The following MAPK9 variants were observed in gnomAD, a reference collection of about 807,000 sequenced individuals.
MAPK9 encodes the protein mitogen-activated protein kinase 9.
A neutral mutation model predicts 57.1 loss-of-function variants in MAPK9; 30 were observed. That is an observed-to-expected ratio of 0.53 (90% CI 0.39 to 0.71). The LOEUF (loss-of-function observed/expected upper bound fraction) is 0.71. MAPK9 is among the 30% of genes least tolerant of loss of function. MAPK9 has a pLI of 0.00. For synonymous variants in MAPK9, 155 were observed against 177.0 expected (o/e 0.88, Z 0.99); for missense variants, 362 against 521.0 (o/e 0.69, Z 2.97).
intron 9 of MAPK9, among the ~76,000 whole-genome samples, chr5:180,240,318 G>A (rs1757540360): frequency 1.3e-5 from 2 of 152,200 alleles, no homozygotes; most frequent in Non-Finnish European, 2.9e-5. Context: ...TGTGCTGGCA[G>A]CTATGGAAGG....
chr5:180,236,110 A>G lies in MAPK9; in HGVS notation c.*274T>C. 3.7e-6 allele frequency: 1 copy of G among 267,610 alleles called. No homozygotes were observed. The highest frequency in any genetic ancestry group is 7.1e-6 in the Non-Finnish European group (1 of 141,710). 16.6% of individuals were successfully genotyped at this position (267,610 alleles called of 1,614,324 possible). ...ATGATGAGAAACTGTCACTAGTACAATTTGAAACAAATTCACCTACTCTAA... is the reference window on the plus strand; with the variant it reads ...ATGATGAGAAACTGTCACTAGTACAGTTTGAAACAAATTCACCTACTCTAA... On this transcript the variant is annotated 3_prime_UTR_variant, in exon 12 of 12. Transcript: ENST00000452135.
chr5:180,253,349 G>A (rs192692419), intron 5 of MAPK9, among the ~76,000 whole-genome samples: 6 of 152,300 alleles, frequency 3.9e-5, no homozygotes, highest in Non-Finnish European at 5.9e-5. Context: ...AGCCGCCCAC[G>A]AAAAGCCCCA....
At chr5:180,253,870 C>T (rs1758968630) in intron 5 of MAPK9, among the ~76,000 whole-genome samples, 1 of 146,038 alleles carries the variant, frequency 6.8e-6, no homozygotes, top group Admixed American at 7.0e-5. Context: ...CAGAAGGTGA[C>T]ACCTGTGGCT....
intron 7 of MAPK9, 191 bp from the exon 8 acceptor site, chr5:180,242,946 C>T: frequency 4.2e-6 from 2 of 476,616 alleles, no homozygotes; most frequent in Non-Finnish European, 3.7e-6. Flanking sequence ...TCACACTCTG[C>T]ATCTTCATAA....
At chr5:180,278,634 G>T (rs1057130978) in intron 2 of MAPK9, among the ~76,000 whole-genome samples, 1 of 152,152 alleles carries the variant, frequency 6.6e-6, no homozygotes, top group Non-Finnish European at 1.5e-5. Context: ...AGGAGGCGGA[G>T]GCTACAGTGA....
At chr5:180,285,455 A>C (rs1762652646) in intron 1 of MAPK9, among the ~76,000 whole-genome samples, 1 of 152,174 alleles carries the variant, frequency 6.6e-6, no homozygotes, top group Admixed American at 6.5e-5. Flanking sequence ...TTTTTCCTCT[A>C]ACGATGACAA....
At chr5:180,258,862 TAAAA>T (rs531705510) in intron 5 of MAPK9, among the ~76,000 whole-genome samples, 1 of 96,040 alleles carries the variant, frequency 1.0e-5, no homozygotes, top group Non-Finnish European at 2.0e-5. Context: ...CTGTCTCTAC[TAAAA>T]AAAAAAAAAA....
intron 5 of MAPK9, among the ~76,000 whole-genome samples, chr5:180,250,459 G>T (rs1758556896): frequency 1.3e-5 from 2 of 152,086 alleles, no homozygotes; most frequent in South Asian, 4.1e-4. Flanking sequence ...AAACTGCCAA[G>T]CCACTGACAT....
chr5:180,279,892 A>T (rs182934840), intron 2 of MAPK9: 1 of 456,630 alleles, frequency 2.2e-6, no homozygotes, highest in East Asian at 7.0e-5. Flanking sequence ...TCTGGGCTGG[A>T]CACACAGTTG....
chr5:180,240,553 C>T (rs1757560706), intron 9 of MAPK9, among the ~76,000 whole-genome samples: 3 of 152,236 alleles, frequency 2.0e-5, no homozygotes, highest in Admixed American at 1.3e-4. Flanking sequence ...TCCCTCACAG[C>T]TAAAGCTCAC....
chr5:180,276,794 C>T (rs563058338), intron 2 of MAPK9, among the ~76,000 whole-genome samples: 5 of 152,268 alleles, frequency 3.3e-5, no homozygotes, highest in African/African-American at 7.2e-5. Context: ...GCGGAGGTTG[C>T]GGTGAGCCAA....
intron 2 of MAPK9, among the ~76,000 whole-genome samples, chr5:180,273,468 C>T (rs1043393758): frequency 6.6e-6 from 1 of 151,860 alleles, no homozygotes; most frequent in African/African-American, 2.4e-5. Flanking sequence ...CTCAAGCGAT[C>T]CTCCCACCTT....
chr5:180,256,991 G>C (rs1282577384), intron 5 of MAPK9, among the ~76,000 whole-genome samples: 1 of 152,212 alleles, frequency 6.6e-6, no homozygotes, highest in African/African-American at 2.4e-5. Flanking sequence ...AACAGAAATA[G>C]AATGGTACAT....
chr5:180,281,888 C>T (rs1019679578), intron 1 of MAPK9, among the ~76,000 whole-genome samples: 1 of 152,188 alleles, frequency 6.6e-6, no homozygotes, highest in Non-Finnish European at 1.5e-5. Flanking sequence ...ACTCCAGTGA[C>T]GCCACAGCGC....
rs1048270449 is a variant in MAPK9, at chr5:180,247,803, C to T, written c.617-293G>A. The T allele has an allele frequency of 6.4e-7, 1 of 1,569,900 alleles. No homozygotes were observed. The highest frequency in any genetic ancestry group is 1.4e-5 in the African/African-American group (1 of 74,000). On this transcript the variant is annotated intron_variant, in intron 6 of 11. Transcript: ENST00000452135. The surrounding 1 kb of genome is among the most constrained non-coding windows in gnomAD (Gnocchi z 4.5). ...GTGAACACAAAGCTTTTCAGGGCCACACGCCCACCCCAGCCTCCATGGCCA... is the reference window on the plus strand; with the variant it reads ...GTGAACACAAAGCTTTTCAGGGCCATACGCCCACCCCAGCCTCCATGGCCA...
chr5:180,242,618 G>C lies in MAPK9; in HGVS notation c.826C>G (p.Pro276Ala). The C allele has an allele frequency of 6.2e-7, 1 of 1,614,034 alleles. No individual in the cohort carries two copies. Among genetic ancestry groups the C allele is most frequent in the Non-Finnish European group, 8.5e-7 (1 of 1,179,966 alleles). ...GATTCTGATGGGAATATCCAATCTG[G>C]AAAGAGTTCTTCAAATTTGATTCCA... ...YPGIKFEELF[P>A]DWIFPSESER... Residue 276 changes from proline (P) to alanine (A), a missense_variant, in exon 8 of 12, where the codon CCA becomes GCA. Physicochemically the swap from Pro to Ala is conservative, Grantham distance 27 (BLOSUM62 -1). Transcript: ENST00000452135.
chr5:180,264,915 C>T (rs1357009254), intron 3 of MAPK9, 76 bp from the exon 4 acceptor site: 2 of 1,190,906 alleles, frequency 1.7e-6, no homozygotes, highest in East Asian at 3.0e-5. Context: ...TATTGAAATG[C>T]ATTAAGACGG....
chr5:180,244,651 G>A (rs1432166887), intron 7 of MAPK9, among the ~76,000 whole-genome samples: 2 of 152,004 alleles, frequency 1.3e-5, no homozygotes, highest in Admixed American at 6.6e-5. Flanking sequence ...GCGGGCGCCT[G>A]TAATCCCAGC....
chr5:180,241,542 G>A (rs183870701), intron 8 of MAPK9, among the ~76,000 whole-genome samples: 1,880 of 152,236 alleles, frequency 0.012, 21 homozygotes, highest in South Asian at 0.02. Flanking sequence ...CTCGTGATCC[G>A]CCTGCCTCAG....
Sources: allele counts gnomAD v4.1 joint callset (sites outside exome capture counted in the v4.1 genomes callset), GRCh38; gene constraint gnomAD v4.1.1; non-coding constraint Gnocchi (gnomAD v3.1); transcripts MANE v1.5; gene names NCBI Gene and HGNC (gene_info 2026-07-23, HGNC 2026-07-21).